CABIN1: variants seen among roughly 807,000 people sequenced by gnomAD.
CABIN1 encodes calcineurin-binding protein cabin-1.
A neutral mutation model predicts 227.7 loss-of-function variants in CABIN1; 133 were observed. That is an observed-to-expected ratio of 0.58 (90% confidence interval 0.51 to 0.67). The LOEUF (loss-of-function observed/expected upper bound fraction) is 0.67. Among genes scored for constraint, CABIN1 ranks in the 30% least tolerant of loss-of-function variants. The pLI is 0.00. For missense variants in CABIN1, 2,408 were observed against 2,852.5 expected (o/e 0.84, Z 3.55); for synonymous variants, 1,086 against 1,155.1 (o/e 0.94, Z 1.21).
chr22:24,151,795 C>A (rs2045499791), intron 29 of CABIN1, among the ~76,000 whole-genome samples: 1 of 152,204 alleles, frequency 6.6e-6, no homozygotes, highest in Non-Finnish European at 1.5e-5. Flanking sequence ...CCCACTGCCA[C>A]ACGCACCCCC....
At chr22:24,091,913 T>C (rs1342909879) in intron 24 of CABIN1, 70 bp downstream of exon 24, 2 of 1,584,882 alleles carry the variant, frequency 1.3e-6, no homozygotes, top group Admixed American at 1.7e-5. Context: ...TCCCTGGGCA[T>C]GTGGCTCAAG....
At chr22:24,055,653 C>T (rs1363056801) in intron 9 of CABIN1, among the ~76,000 whole-genome samples, 1 of 152,090 alleles carries the variant, frequency 6.6e-6, no homozygotes, top group Non-Finnish European at 1.5e-5. Flanking sequence ...CAAAAGCTCC[C>T]GAGCCTTTTC....
At chr22:24,176,051 T>C in intron 34 of CABIN1, 60 bp from the exon 35 acceptor site, 1 of 1,557,840 alleles carries the variant, frequency 6.4e-7, no homozygotes, top group Non-Finnish European at 8.7e-7. Context: ...CTGACACAGA[T>C]GCGTTGGAGC....
chr22:24,061,942 T>C lies in CABIN1; in HGVS notation c.1618-5T>C. The C allele has an allele frequency of 6.2e-7, 1 of 1,613,064 alleles. No homozygotes were observed. The highest frequency in any genetic ancestry group is 8.5e-7 in the Non-Finnish European group (1 of 1,179,084). Reference sequence around the variant, plus strand: ...GTTCTTGACCTTCCTGTGTCTGTCCTGCAGGACATGATGCTGATGTCTCTC... The same window carrying C: ...GTTCTTGACCTTCCTGTGTCTGTCCCGCAGGACATGATGCTGATGTCTCTC... On this transcript the variant is annotated splice_polypyrimidine_tract_variant and splice_region_variant and intron_variant, in intron 12 of 36. Coordinates refer to ENST00000263119, the MANE Select transcript of CABIN1 (RefSeq NM_012295.4).
chr22:24,133,159 C>G (rs2044175174), intron 28 of CABIN1, among the ~76,000 whole-genome samples: 3 of 152,306 alleles, frequency 2.0e-5, no homozygotes, highest in Admixed American at 1.3e-4. Flanking sequence ...CTCCTACATA[C>G]AGCCACAGGG....
At chr22:24,070,220 C>T (rs2039990238) in intron 16 of CABIN1, among the ~76,000 whole-genome samples, 1 of 152,268 alleles carries the variant, frequency 6.6e-6, no homozygotes, top group African/African-American at 2.4e-5. Context: ...TTAATGCCCA[C>T]AGTGCCGCTG....
At chr22:24,100,928 AG>A (rs949033903) in intron 26 of CABIN1, among the ~76,000 whole-genome samples, 1 of 152,246 alleles carries the variant, frequency 6.6e-6, no homozygotes, top group African/African-American at 2.4e-5. Flanking sequence ...TGGTGGAACT[AG>A]GGTAAGACCT....
At chr22:24,151,965 A>G (rs979232574) in intron 29 of CABIN1, among the ~76,000 whole-genome samples, 4 of 152,150 alleles carry the variant, frequency 2.6e-5, no homozygotes, top group African/African-American at 9.7e-5. Context: ...GGTATTGGTG[A>G]CTAAGATCCC....
Position 24,177,928 on chromosome 22 carries a change from G to T in CABIN1, c.6519+111G>T. On this transcript the variant is annotated intron_variant, in intron 36 of 36. Transcript: ENST00000263119. This position sits in a 1 kb window ranked among gnomAD's most constrained non-coding sequence, Gnocchi z 4.4. ...GAGGGCCTGGGGTGTGGGTGAGGATGGCATAGGGGCCTGGGGCAGGGGTGA... is the reference window on the plus strand; with the variant it reads ...GAGGGCCTGGGGTGTGGGTGAGGATTGCATAGGGGCCTGGGGCAGGGGTGA... 1 of 1,525,496 alleles carries T rather than the reference G, an allele frequency of 6.6e-7. No homozygotes were observed. The highest frequency in any genetic ancestry group is 2.3e-5 in the East Asian group (1 of 42,586). 94.5% of individuals were successfully genotyped at this position (1,525,496 alleles called of 1,614,324 possible). A position where few individuals can be genotyped will look rare whatever the true frequency, so the allele number is the denominator to read the frequency against.
intron 28 of CABIN1, 53 bp from the exon 29 acceptor site, chr22:24,134,249 G>A (rs2044252415): frequency 2.1e-6 from 3 of 1,405,960 alleles, no homozygotes; most frequent in Admixed American, 3.6e-5. Flanking sequence ...CTTCCCTGTG[G>A]GCGCCCTGAG....
intron 19 of CABIN1, among the ~76,000 whole-genome samples, chr22:24,079,231 T>C (rs1257651886): frequency 6.6e-6 from 1 of 152,216 alleles, no homozygotes; most frequent in African/African-American, 2.4e-5. Flanking sequence ...CACATTATTC[T>C]GAAGCAAATC....
At chr22:24,154,121 C>T (rs1423883773) in intron 29 of CABIN1, among the ~76,000 whole-genome samples, 1 of 152,172 alleles carries the variant, frequency 6.6e-6, no homozygotes, top group African/African-American at 2.4e-5. Context: ...TCCAGAGAGC[C>T]ACACACTCAC....
intron 27 of CABIN1, among the ~76,000 whole-genome samples, chr22:24,117,787 C>T (rs529808395): frequency 2.0e-5 from 3 of 152,288 alleles, no homozygotes; most frequent in Admixed American, 6.5e-5. Flanking sequence ...TGATGTGAAC[C>T]GCTGAGAGGC....
intron 3 of CABIN1, among the ~76,000 whole-genome samples, chr22:24,038,059 C>T (rs151260269): frequency 6.6e-6 from 1 of 152,288 alleles, no homozygotes; most frequent in African/African-American, 2.4e-5. Context: ...CGGCACCCTC[C>T]CAGCACCTTG....
chr22:24,098,712 T>C (rs1024186430), intron 26 of CABIN1, among the ~76,000 whole-genome samples: 2 of 152,268 alleles, frequency 1.3e-5, no homozygotes, highest in Non-Finnish European at 2.9e-5. Context: ...GGCCATGCCA[T>C]GTGGGATGGG....
In CABIN1 at chr22:24,035,502, C is replaced by A; in HGVS notation, c.-16C>A. ...ATGAGAAGTGATGCTCGTGGCAGTG[C>A]TGAATCTCTCTGAATATGGTAAGGA... On this transcript the variant is annotated 5_prime_UTR_variant, in exon 2 of 37. In the 5' UTR this introduces an upstream ATG that the reference lacks. Transcript: ENST00000263119. 1 of 1,614,156 alleles carries A rather than the reference C, an allele frequency of 6.2e-7. No individual in the cohort carries two copies. The highest frequency in any genetic ancestry group is 1.1e-5 in the South Asian group (1 of 91,078).
intron 29 of CABIN1, among the ~76,000 whole-genome samples, chr22:24,153,038 CT>C (rs2045585111): frequency 6.6e-6 from 1 of 152,192 alleles, no homozygotes; most frequent in African/African-American, 2.4e-5. Context: ...ATGAGGTCCC[CT>C]GGGCAGCTCA....
In CABIN1 at chr22:24,177,042, C is replaced by T. The variant is rs1830595025; in HGVS notation, c.6206-462C>T. Among the ~76,000 whole-genome samples the T allele has an allele frequency of 6.6e-6, 1 of 152,242 alleles. No individual in the cohort carries two copies. Among genetic ancestry groups the T allele is most frequent in the East Asian group, 1.9e-4 (1 of 5,194 alleles). ...CTCTGGGCAAACTCAGCCCCTTGCT[C>T]CCACTGGAGGATGAGGCGAAAGTGG... is the stretch of plus-strand genomic sequence containing the variant. On this transcript the variant is annotated intron_variant, in intron 35 of 36. Coordinates refer to ENST00000263119, the MANE Select transcript of CABIN1 (RefSeq NM_012295.4). The surrounding 1 kb of genome is among the most constrained non-coding windows in gnomAD (Gnocchi z 4.4).
chr22:24,085,176 GGC>G lies in CABIN1; in HGVS notation c.3263+26_3263+27del, dbSNP rs772603892. On this transcript the variant is annotated intron_variant, in intron 22 of 36. Transcript: ENST00000263119. The stretch of plus-strand genomic sequence containing the variant: ...GGTCAGTGACCAGATCATGAGGCTA[GGC>G]TGGCTGCAGGGATGACTGGGGTGAC... The G allele has an allele frequency of 2.2e-5, 35 of 1,613,936 alleles. No homozygotes were observed. In the African/African-American group the frequency reaches 4.4e-4, roughly 20 times the overall value.
Sources: gnomAD v4.1 joint callset for allele counts (sites outside exome capture counted in the v4.1 genomes callset) on GRCh38, gnomAD v4.1.1 for gene constraint, Gnocchi (gnomAD v3.1) non-coding constraint, MANE v1.5 for transcripts, NCBI Gene and HGNC (gene_info 2026-07-23, HGNC 2026-07-21) for gene names.